The following KYNU variants were observed in gnomAD, a reference collection of about 807,000 sequenced individuals.
KYNU encodes the protein kynureninase.
Under a neutral mutation model 59.2 loss-of-function variants are expected in KYNU, and 54 were observed. The observed-to-expected ratio is 0.91, with a 90% CI of 0.73 to 1.14. The LOEUF (loss-of-function observed/expected upper bound fraction) is 1.14, where lower values mean the gene tolerates loss of function less well. KYNU is among the 50% of genes most tolerant of loss of function. The probability of loss-of-function intolerance (pLI) is 0.00; values close to 1 mark genes in which losing one functional copy is unlikely to be tolerated. For synonymous variants in KYNU, 177 were observed against 192.0 expected, an observed-to-expected ratio of 0.92 and a Z score of 0.65; for missense variants, 567 against 554.4, an observed-to-expected ratio of 1.02 and a Z score of -0.23.
chr2:142,913,082 C>A lies in KYNU; in HGVS notation c.170-5527C>A, dbSNP rs6429995. 7.6e-3 allele frequency among the ~76,000 whole-genome samples: 1,161 copies of A among 152,056 alleles called. 7 individuals are homozygous for A. Among genetic ancestry groups the A allele is most frequent in the African/African-American group, 0.027 (1,112 of 41,436 alleles). On this transcript the variant is annotated intron_variant, in intron 2 of 13. Coordinates refer to ENST00000264170, the MANE Select transcript of KYNU (RefSeq NM_003937.3). ...GTTTCTGACTGTGCATATTTGAATC[C>A]TCTGTTTTTTTCTTTTTAATCTAGA...
chr2:142,878,610 A>G (rs1291765281), intron 1 of KYNU, among the ~76,000 whole-genome samples: 1 of 152,212 alleles, frequency 6.6e-6, no homozygotes, highest in Non-Finnish European at 1.5e-5. Context: ...CCAGACACTC[A>G]GTCATTTATT....
At chr2:142,916,602 C>A (rs1682675909) in intron 2 of KYNU, among the ~76,000 whole-genome samples, 1 of 152,086 alleles carries the variant, frequency 6.6e-6, no homozygotes, top group Admixed American at 6.6e-5. Context: ...CCCACAGGAT[C>A]CCCAGATCAT....
At chr2:142,888,845 C>T (rs532926139) in intron 2 of KYNU, among the ~76,000 whole-genome samples, 5 of 148,788 alleles carry the variant, frequency 3.4e-5, no homozygotes, top group African/African-American at 1.0e-4. Context: ...GCAAAGCTGT[C>T]GCATACTTGA....
intron 3 of KYNU, among the ~76,000 whole-genome samples, chr2:142,920,017 A>G (rs1682821213): frequency 6.6e-6 from 1 of 152,182 alleles, no homozygotes; most frequent in Admixed American, 6.5e-5. Context: ...GGTTGCAGTG[A>G]GTGGAGATCA....
intron 2 of KYNU, among the ~76,000 whole-genome samples, chr2:142,905,565 C>T (rs2104956570): frequency 6.6e-6 from 1 of 152,318 alleles, no homozygotes; most frequent in East Asian, 1.9e-4. Context: ...AGTGTTAAAT[C>T]ACCGTTTTCT....
intron 2 of KYNU, among the ~76,000 whole-genome samples, chr2:142,912,365 GTATT>G (rs1682507008): frequency 8.2e-6 from 1 of 122,184 alleles, no homozygotes; most frequent in East Asian, 2.5e-4. Flanking sequence ...AGGATCTTTT[GTATT>G]TCTTTTTTTT....
chr2:142,920,202 AATTT>A (rs772350806), intron 3 of KYNU, among the ~76,000 whole-genome samples: 27 of 152,348 alleles, frequency 1.8e-4, no homozygotes, highest in East Asian at 9.6e-4. Context: ...TAGTTTATAT[AATTT>A]ATTAATCATG....
intron 2 of KYNU, among the ~76,000 whole-genome samples, chr2:142,900,731 C>T (rs115334124): frequency 0.018 from 2,710 of 152,200 alleles, 66 homozygotes; most frequent in African/African-American, 0.063. Context: ...AGAGATTGGC[C>T]GATGATTGCT....
intron 1 of KYNU, 103 bp from the exon 2 acceptor site, chr2:142,885,246 G>A (rs1382458142): frequency 1.1e-6 from 1 of 875,786 alleles, no homozygotes; most frequent in East Asian, 2.6e-5. Flanking sequence ...CCTGAGGTTG[G>A]GAAAAGGGAG....
intron 3 of KYNU, among the ~76,000 whole-genome samples, chr2:142,920,210 AATC>A (rs1437076850): frequency 2.0e-5 from 3 of 152,236 alleles, no homozygotes; most frequent in African/African-American, 7.2e-5. Context: ...ATAATTTATT[AATC>A]ATGTTATAAC....
At position 143,043,894 on chromosome 2, in the gene KYNU, G is replaced by T. The variant is rs147292718; in HGVS notation, c.*1722G>T. On this transcript the variant is annotated 3_prime_UTR_variant, in exon 14 of 14. Coordinates refer to ENST00000264170, the MANE Select transcript of KYNU (RefSeq NM_003937.3). ...ATACACGTGCAGAACATGCAGGTTTGTTACATAGGTATACATGTGCCGTGG... is the reference window on the plus strand; with the variant it reads ...ATACACGTGCAGAACATGCAGGTTTTTTACATAGGTATACATGTGCCGTGG... 1.3e-5 allele frequency: 2 copies of T among 150,672 alleles called. No individual in the cohort carries two copies. The highest frequency in any genetic ancestry group is 2.0e-4 in the East Asian group (1 of 5,126). The allele number at this position is 150,672 out of a possible 1,614,324, so 9.3% of individuals were successfully genotyped here.
chr2:142,912,460 A>C (rs1281441775), intron 2 of KYNU, among the ~76,000 whole-genome samples: 1 of 145,612 alleles, frequency 6.9e-6, no homozygotes, highest in Non-Finnish European at 1.5e-5. Flanking sequence ...GCTCACCACA[A>C]CCTCTGCATC....
At chr2:142,903,527 C>T (rs1227507317) in intron 2 of KYNU, among the ~76,000 whole-genome samples, 1 of 98,390 alleles carries the variant, frequency 1.0e-5, no homozygotes. Context: ...TGTCCCAGGA[C>T]CCCTTGGATA....
chr2:143,055,661 AGG>A lies in KYNU; in HGVS notation c.*13490_*13491del. The A allele has an allele frequency of 6.6e-6, 1 of 152,100 alleles. No homozygotes were observed. Among genetic ancestry groups the A allele is most frequent in the South Asian group, 2.1e-4 (1 of 4,808 alleles). The allele number at this position is 152,100 out of a possible 1,614,324, so 9.4% of individuals were successfully genotyped here. ...AAGGAAGGAAGGAAGGAAGGAAGGA[AGG>A]AAGGAAGGAAGGAAGGAAGGAAAGG... is the stretch of plus-strand genomic sequence containing the variant. On this transcript the variant is annotated 3_prime_UTR_variant, in exon 14 of 14. Transcript: ENST00000264170.
chr2:142,879,978 T>G (rs1410340946), intron 1 of KYNU, among the ~76,000 whole-genome samples: 1 of 152,176 alleles, frequency 6.6e-6, no homozygotes, highest in Non-Finnish European at 1.5e-5. Context: ...TAAGGCAAGC[T>G]CTCTTGATTC....
At chr2:142,953,332 C>G (rs1014372463) in intron 4 of KYNU, among the ~76,000 whole-genome samples, 1 of 152,162 alleles carries the variant, frequency 6.6e-6, no homozygotes, top group African/African-American at 2.4e-5. Context: ...GTGAATCTGC[C>G]TAAGGGCAGG....
chr2:142,940,857 A>G (rs947935045), intron 4 of KYNU, among the ~76,000 whole-genome samples: 1 of 152,222 alleles, frequency 6.6e-6, no homozygotes, highest in Non-Finnish European at 1.5e-5. Context: ...TGCAGGCTCC[A>G]TAATTTGCTA....
chr2:142,929,435 T>C (rs1683143445), intron 4 of KYNU, among the ~76,000 whole-genome samples: 1 of 151,830 alleles, frequency 6.6e-6, no homozygotes, highest in African/African-American at 2.4e-5. Flanking sequence ...GCCAGCTGCT[T>C]TACCCTGCTA....
intron 10 of KYNU, among the ~76,000 whole-genome samples, chr2:143,017,658 A>C (rs1686296187): frequency 6.6e-6 from 1 of 151,628 alleles, no homozygotes; most frequent in Non-Finnish European, 1.5e-5. Context: ...GGCTGGTTTC[A>C]AACTCCTGAC....
Sources: gnomAD v4.1 joint callset for allele counts (sites outside exome capture counted in the v4.1 genomes callset) on GRCh38, gnomAD v4.1.1 for gene constraint, MANE v1.5 for transcripts, NCBI Gene and HGNC (gene_info 2026-07-23, HGNC 2026-07-21) for gene names.